The following LAMA2 variants were observed in gnomAD, a reference collection of about 807,000 sequenced individuals.
LAMA2 encodes the protein laminin subunit alpha 2.
LAMA2 carries 269 observed loss-of-function variants against 364.8 expected under a neutral mutation model. The ratio of observed to expected loss-of-function variants is 0.74; its 90% CI spans 0.67 to 0.82. The LOEUF (loss-of-function observed/expected upper bound fraction) is 0.82, where lower values mean the gene tolerates loss of function less well. Ranked by LOEUF, LAMA2 falls within the 40% of genes least tolerant of loss-of-function variation. The probability of loss-of-function intolerance (pLI) is 0.00; values close to 1 mark genes in which losing one functional copy is unlikely to be tolerated. For synonymous variants in LAMA2, 1,379 were observed against 1,370.6 expected (o/e 1.01, Z -0.14); for missense variants, 3,807 against 3,873.2 (o/e 0.98, Z 0.45).
At chr6:128,979,710 A>G (rs1400975804) in intron 1 of LAMA2, among the ~76,000 whole-genome samples, 3 of 152,214 alleles carry the variant, frequency 2.0e-5, no homozygotes, top group South Asian at 2.1e-4. Flanking sequence ...CTGTAGTTGC[A>G]AAGTATTGAG....
chr6:129,467,920 C>T (rs994212249), intron 51 of LAMA2, among the ~76,000 whole-genome samples: 5 of 151,846 alleles, frequency 3.3e-5, no homozygotes, highest in Admixed American at 3.3e-4. Flanking sequence ...CTAACTGTTA[C>T]TGTTACTACT....
chr6:129,410,941 A>G (rs993354178), intron 40 of LAMA2, among the ~76,000 whole-genome samples: 4 of 152,176 alleles, frequency 2.6e-5, no homozygotes, highest in Non-Finnish European at 5.9e-5. Context: ...ACTAGAGAGA[A>G]AATGAGATGA....
chr6:129,407,969 G>C (rs1289368761), intron 40 of LAMA2, among the ~76,000 whole-genome samples: 1 of 152,160 alleles, frequency 6.6e-6, no homozygotes, highest in Non-Finnish European at 1.5e-5. Context: ...CTGTTGACTT[G>C]GAGGTAGGAG....
intron 41 of LAMA2, among the ~76,000 whole-genome samples, chr6:129,432,769 T>C (rs1781660663): frequency 6.6e-6 from 1 of 152,306 alleles, no homozygotes; most frequent in East Asian, 1.9e-4. Context: ...CAGGTGTTGA[T>C]GTCTGGTGGT....
intron 1 of LAMA2, among the ~76,000 whole-genome samples, chr6:128,899,942 A>C (rs72981389): frequency 0.13 from 19,538 of 152,160 alleles, 1,617 homozygotes; most frequent in African/African-American, 0.23. Context: ...GATGTAAATT[A>C]TAGGGATAAA....
At chr6:128,951,304 G>C (rs1780807366) in intron 1 of LAMA2, among the ~76,000 whole-genome samples, 1 of 152,096 alleles carries the variant, frequency 6.6e-6, no homozygotes, top group Non-Finnish European at 1.5e-5. Flanking sequence ...TGTGGTAACA[G>C]GTATAAGTGC....
intron 1 of LAMA2, among the ~76,000 whole-genome samples, chr6:128,932,112 A>G (rs1189044372): frequency 6.6e-6 from 1 of 152,194 alleles, no homozygotes; most frequent in Non-Finnish European, 1.5e-5. Context: ...TTTACTGTAA[A>G]TGTAATCTTC....
At chr6:129,447,280 T>G (rs561760825) in intron 45 of LAMA2, among the ~76,000 whole-genome samples, 2 of 152,264 alleles carry the variant, frequency 1.3e-5, no homozygotes, top group South Asian at 4.1e-4. Context: ...GACATAAAAG[T>G]TCTAGAAAGA....
At chr6:129,156,523 C>CCT (rs753564574) in intron 8 of LAMA2, among the ~76,000 whole-genome samples, 6 of 136,258 alleles carry the variant, frequency 4.4e-5, no homozygotes, top group African/African-American at 1.8e-4. Flanking sequence ...TCCTTAATTT[C>CCT]TTTTTTTTTT....
At chr6:128,930,818 T>C (rs535747465) in intron 1 of LAMA2, among the ~76,000 whole-genome samples, 89 of 152,354 alleles carry the variant, frequency 5.8e-4, no homozygotes, top group Non-Finnish European at 1.1e-3. Context: ...ATTTCCCTGT[T>C]ATCTTCACTG....
rs1780689286 is a variant in LAMA2 at position 129,177,777 on chromosome 6, T to C, written c.1378T>C (p.Tyr460His). The C allele has an allele frequency of 5.0e-6, 8 of 1,613,820 alleles. No individual in the cohort carries two copies. In the East Asian group the frequency reaches 1.8e-4, roughly 36 times the overall value. ...GVSCDRCARG[Y>H]TGYPDCKACN... The stretch of plus-strand genomic sequence containing the variant: ...GAGCTGTGATCGGTGTGCCAGGGGC[T>C]ACACTGGCTACCCGGACTGCAAAGC... Residue 460 changes from tyrosine to histidine, a missense_variant, in exon 10 of 65, where the codon TAC becomes CAC. Coordinates refer to ENST00000421865, the MANE Select transcript of LAMA2 (RefSeq NM_000426.4).
intron 57 of LAMA2, 22 bp from the exon 58 acceptor site, chr6:129,492,293 C>G: frequency 6.2e-7 from 1 of 1,609,468 alleles, no homozygotes; most frequent in Non-Finnish European, 8.5e-7. Flanking sequence ...ATAAAAAAAT[C>G]TTATTTATTA....
chr6:129,134,464 C>T (rs1008775507), intron 4 of LAMA2, among the ~76,000 whole-genome samples: 1 of 152,056 alleles, frequency 6.6e-6, no homozygotes, highest in African/African-American at 2.4e-5. Context: ...GGTTCTTTTC[C>T]GGAGAATAAT....
At chr6:129,398,415 G>T (rs1256004345) in intron 37 of LAMA2, among the ~76,000 whole-genome samples, 2 of 150,652 alleles carry the variant, frequency 1.3e-5, no homozygotes, top group Admixed American at 6.6e-5. Context: ...TGAGCCAAGT[G>T]TCAGCAGCAC....
intron 9 of LAMA2, among the ~76,000 whole-genome samples, chr6:129,174,907 G>A (rs1459035199): frequency 6.6e-6 from 1 of 152,052 alleles, no homozygotes; most frequent in Non-Finnish European, 1.5e-5. Context: ...CTGAACAGGA[G>A]GGGTTTTTTG....
At chr6:129,167,145 T>G (rs189445933) in intron 9 of LAMA2, among the ~76,000 whole-genome samples, 1 of 152,092 alleles carries the variant, frequency 6.6e-6, no homozygotes. Context: ...TATTGAGCCT[T>G]TTTTCCGATT....
Position 129,401,308 on chromosome 6 carries a change from C to T in LAMA2, c.5530C>T (p.Arg1844Cys), listed in dbSNP as rs56173620. Residue 1844 changes from arginine to cysteine, a missense_variant, in exon 38 of 65, where the codon CGT (arginine) becomes TGT (cysteine). Physicochemically the swap from Arg to Cys is radical, Grantham distance 180. Around this residue, in one of 3 missense-constraint regions of LAMA2, gnomAD observed 3,333 missense variants for 3,345.7 expected, o/e 1.00. Coordinates refer to ENST00000421865, the MANE Select transcript of LAMA2 (RefSeq NM_000426.4). ...EGNDILDEANRLADEINSIID... is the reference protein window; with the variant it reads ...EGNDILDEANCLADEINSIID... ...CAATGACATACTCGATGAAGCCAAC[C>T]GTCTTGCAGATGAAATCAACTCCAT... The T allele has an allele frequency of 4.1e-4, 653 of 1,610,916 alleles. No homozygotes were observed. Among genetic ancestry groups the T allele is most frequent in the Admixed American group, 2.0e-3 (119 of 60,020 alleles).
chr6:129,438,611 C>T (rs891037516), intron 41 of LAMA2, 35 bp from the exon 42 acceptor site: 8 of 1,072,084 alleles, frequency 7.5e-6, no homozygotes, highest in Non-Finnish European at 1.0e-5. Context: ...GATGATAAAA[C>T]TTATTTAATC....
chr6:129,402,024 A>G lies in LAMA2; in HGVS notation c.5563-300A>G, dbSNP rs539603797. On this transcript the variant is annotated intron_variant, in intron 38 of 64. Transcript: ENST00000421865. ...GGAGTTCAAAACCAGCCTGGGCAAC[A>G]TGGCGAAACCCCGTCTCTATTAAAT... is the stretch of plus-strand genomic sequence containing the variant. Among the ~76,000 whole-genome samples the G allele has an allele frequency of 2.0e-5, 3 of 152,204 alleles. No individual in the cohort carries two copies. In the East Asian group the frequency reaches 5.8e-4, roughly 29 times the overall value.
Sources: allele counts gnomAD v4.1 joint callset (sites outside exome capture counted in the v4.1 genomes callset), GRCh38; gene constraint gnomAD v4.1.1; regional missense constraint gnomAD v4.1.1; transcripts MANE v1.5; gene names NCBI Gene and HGNC (gene_info 2026-07-23, HGNC 2026-07-21).